The following KIR3DL1 variants were observed in gnomAD, a reference collection of about 807,000 sequenced individuals.
KIR3DL1 encodes the protein killer cell immunoglobulin like receptor, three Ig domains and long cytoplasmic tail 1.
A neutral mutation model predicts 40.3 loss-of-function variants in KIR3DL1; 50 were observed. The ratio of observed to expected loss-of-function variants is 1.24; its 90% CI spans 0.99 to 1.57. The LOEUF (loss-of-function observed/expected upper bound fraction) is 1.57, where lower values mean the gene tolerates loss of function less well. Among genes scored for constraint, KIR3DL1 ranks in the 40% most tolerant of loss-of-function variants. The pLI, the probability that KIR3DL1 is intolerant of heterozygous loss-of-function variation, is 0.00. For synonymous variants in KIR3DL1, 257 were observed against 207.2 expected (o/e 1.24, Z -2.07); for missense variants, 661 against 559.9 (o/e 1.18, Z -1.82).
At chr19:54,826,417 T>A (rs1445598013) in intron 6 of KIR3DL1, among the ~76,000 whole-genome samples, 1 of 148,202 alleles carries the variant, frequency 6.7e-6, no homozygotes, top group African/African-American at 2.6e-5. Flanking sequence ...TGGATCCAAG[T>A]GATTCTCCTG....
chr19:54,829,395 C>A (rs2062087912), exon 7 of KIR3DL1: 1 of 1,507,372 alleles, frequency 6.6e-7, no homozygotes, highest in Non-Finnish European at 9.0e-7. Flanking sequence ...TGATTGGGAC[C>A]TCAGTGGTCA....
At chr19:54,824,106 C>T (rs899137379) in intron 5 of KIR3DL1, among the ~76,000 whole-genome samples, 3 of 151,412 alleles carry the variant, frequency 2.0e-5, no homozygotes, top group Non-Finnish European at 4.4e-5. Context: ...TGATGTAATC[C>T]TAATGGTCTA....
intron 5 of KIR3DL1, among the ~76,000 whole-genome samples, chr19:54,822,308 A>G (rs1284536113): frequency 6.6e-6 from 1 of 151,290 alleles, no homozygotes; most frequent in Non-Finnish European, 1.5e-5. Flanking sequence ...TACCATTTTT[A>G]AAAGTAAAAT....
rs775312479 is a variant in KIR3DL1, at chr19:54,821,546, C to A, written c.656-19C>A. ...ACAAGGAAGAACCTCCCTGAGGAAA[C>A]TGCCTCTTCTCCTTCCAGGTCCATA... On this transcript the variant is annotated intron_variant, in intron 4 of 8. Transcript: ENST00000391728. 5.1e-5 allele frequency: 82 copies of A among 1,596,622 alleles called. No homozygotes were observed. Among genetic ancestry groups the A allele is most frequent in the Non-Finnish European group, 6.1e-5 (72 of 1,172,482 alleles).
At chr19:54,818,379 G>A in exon 3 of KIR3DL1, 1 of 1,606,876 alleles carries the variant, frequency 6.2e-7, no homozygotes. Context: ...GAGGACACGT[G>A]ACTCTTCGGT....
At chr19:54,826,700 A>G (rs1292967514) in intron 6 of KIR3DL1, among the ~76,000 whole-genome samples, 1 of 149,616 alleles carries the variant, frequency 6.7e-6, no homozygotes, top group Non-Finnish European at 1.5e-5. Context: ...GATATTTGTG[A>G]CATTAATGAA....
At chr19:54,818,459 A>G in exon 3 of KIR3DL1, 1 of 1,608,514 alleles carries the variant, frequency 6.2e-7, no homozygotes, top group Non-Finnish European at 8.5e-7. Flanking sequence ...CCCATCTTCC[A>G]TGGCAGAATA....
At chr19:54,819,975 G>T in exon 4 of KIR3DL1, 1 of 1,611,400 alleles carries the variant, frequency 6.2e-7, no homozygotes, top group Middle Eastern at 1.7e-4. Flanking sequence ...CCTATCAGTT[G>T]TCAGCTCCCA....
At chr19:54,826,951 T>C (rs1260674439) in intron 6 of KIR3DL1, among the ~76,000 whole-genome samples, 2 of 151,150 alleles carry the variant, frequency 1.3e-5, no homozygotes, top group South Asian at 4.2e-4. Flanking sequence ...TGGATTCACC[T>C]CGGGGTAGCC....
In KIR3DL1 at chr19:54,829,476, C is replaced by A; in HGVS notation, c.1105+11C>A. 6.9e-7 allele frequency: 1 copy of A among 1,456,488 alleles called. No individual in the cohort carries two copies. The highest frequency in any genetic ancestry group is 9.3e-7 in the Non-Finnish European group (1 of 1,072,284). The allele number at this position is 1,456,488 out of a possible 1,614,324, so 90.2% of individuals were successfully genotyped here. On this transcript the variant is annotated intron_variant, in intron 7 of 8. Coordinates refer to ENST00000391728, the Ensembl canonical transcript of KIR3DL1. ...GCTCCAACAAAAAAAGTAAGTCTCA[C>A]GGGGCACAGGCCAGAGAGCTCAGGG... is the stretch of plus-strand genomic sequence containing the variant.
At position 54,825,148 on chromosome 19, in the gene KIR3DL1, T is replaced by C. The variant is rs1342470786; in HGVS notation, c.1000+70T>C. The C allele has an allele frequency of 2.3e-5, 23 of 990,728 alleles. 2 individuals are homozygous for C. Among genetic ancestry groups the C allele is most frequent in the Non-Finnish European group, 3.5e-5 (22 of 620,252 alleles). The allele number at this position is 990,728 out of a possible 1,614,324, so 61.4% of individuals were successfully genotyped here. ...AGGTGGAAGCCTTGGATGCAAGTGT[T>C]GGCTCAAACCTCCCAGCTCTGTGAA... On this transcript the variant is annotated intron_variant, in intron 6 of 8. Transcript: ENST00000391728.
chr19:54,816,813 T>TGGAG (rs2061362606), intron 1 of KIR3DL1, among the ~76,000 whole-genome samples: 1 of 90,462 alleles, frequency 1.1e-5, no homozygotes, highest in Admixed American at 1.1e-4. Context: ...AGGGGAGATA[T>TGGAG]GGGCCTGGAG....
chr19:54,817,523 T>A lies in KIR3DL1; in HGVS notation c.35-11T>A. Reference sequence around the variant, plus strand: ...TGCAGAGGGATGGTCCATCATGATCTTTCTTTCTAGGGTTGTTCTTGGTCC... The same window carrying A: ...TGCAGAGGGATGGTCCATCATGATCATTCTTTCTAGGGTTGTTCTTGGTCC... On this transcript the variant is annotated splice_polypyrimidine_tract_variant and intron_variant, in intron 1 of 8. Transcript: ENST00000391728. 2 of 1,506,744 alleles carry A rather than the reference T, an allele frequency of 1.3e-6. 1 individual carries two copies. Among genetic ancestry groups the A allele is most frequent in the Non-Finnish European group, 1.8e-6 (2 of 1,103,228 alleles). 93.3% of individuals were successfully genotyped at this position (1,506,744 alleles called of 1,614,324 possible).
At chr19:54,820,782 C>A (rs560074238) in intron 4 of KIR3DL1, among the ~76,000 whole-genome samples, 9 of 150,882 alleles carry the variant, frequency 6.0e-5, no homozygotes, top group African/African-American at 1.7e-4. Context: ...AAAATCAGAA[C>A]CCTGAGGGAG....
rs991947299 is a variant in KIR3DL1 at position 54,821,863 on chromosome 19, G to A, written c.949+5G>A. ...CACTGCTTGTTTCTGTCACAGGTGAGAAAAGCCCATATCTCTCTCATGTCC... is the reference window on the plus strand; with the variant it reads ...CACTGCTTGTTTCTGTCACAGGTGAAAAAAGCCCATATCTCTCTCATGTCC... On this transcript the variant is annotated splice_donor_5th_base_variant and intron_variant, in intron 5 of 8. Coordinates refer to ENST00000391728, the Ensembl canonical transcript of KIR3DL1. The A allele has an allele frequency of 8.8e-6, 14 of 1,598,838 alleles. 1 individual carries two copies. In the African/African-American group the frequency reaches 1.8e-4, roughly 20 times the overall value.
chr19:54,825,041 T>C (rs2148149738), exon 6 of KIR3DL1: 2 of 1,515,084 alleles, frequency 1.3e-6, no homozygotes, highest in East Asian at 2.2e-5. Context: ...ACCCTTCAAG[T>C]AGTTGGCCTT....
chr19:54,829,776 T>C, intron 7 of KIR3DL1, 152 bp from the exon 8 acceptor site: 1 of 745,680 alleles, frequency 1.3e-6, no homozygotes, highest in Non-Finnish European at 2.1e-6. Flanking sequence ...GGATGGGTCC[T>C]TGAGCTCAGA....
At chr19:54,822,943 A>T (rs1359954712) in intron 5 of KIR3DL1, among the ~76,000 whole-genome samples, 1 of 148,376 alleles carries the variant, frequency 6.7e-6, no homozygotes, top group Non-Finnish European at 1.5e-5. Flanking sequence ...GAACAGTCAT[A>T]TGAGTGCAGA....
Position 54,822,577 on chromosome 19 carries a change from G to A in KIR3DL1, c.949+719G>A, listed in dbSNP as rs1476108349. 2.0e-4 allele frequency among the ~76,000 whole-genome samples: 30 copies of A among 150,342 alleles called. 1 individual carries two copies. Among genetic ancestry groups the A allele is most frequent in the African/African-American group, 5.4e-4 (22 of 40,584 alleles). On this transcript the variant is annotated intron_variant, in intron 5 of 8. Transcript: ENST00000391728. Reference sequence around the variant, plus strand: ...CAGGAGGCAGAGGTTGCACTGAGCCGAGATCATGCCACTGCACTGCAGCCT... The same window carrying A: ...CAGGAGGCAGAGGTTGCACTGAGCCAAGATCATGCCACTGCACTGCAGCCT...
Sources: allele counts gnomAD v4.1 joint callset (sites outside exome capture counted in the v4.1 genomes callset), GRCh38; gene constraint gnomAD v4.1.1; transcripts MANE v1.5; gene names NCBI Gene and HGNC (gene_info 2026-07-23, HGNC 2026-07-21).